SIPA1L3: variants seen among roughly 807,000 people sequenced by gnomAD.
SIPA1L3 encodes signal induced proliferation associated 1 like 3, also known as signal-induced proliferation-associated 1-like protein 3.
Under a neutral mutation model 150.1 loss-of-function variants are expected in SIPA1L3, and 59 were observed. The observed-to-expected ratio is 0.39, with a 90% CI of 0.32 to 0.49. SIPA1L3 has a LOEUF of 0.49. SIPA1L3 is among the 20% of genes least tolerant of loss of function. The probability of loss-of-function intolerance (pLI) is 0.86; values close to 1 mark genes in which losing one functional copy is unlikely to be tolerated. For missense variants in SIPA1L3, 2,211 were observed against 2,489.5 expected (o/e 0.89, Z 2.38); for synonymous variants, 1,070 against 1,077.6 (o/e 0.99, Z 0.14).
At chr19:38,183,740 A>G (rs1328097924) in intron 16 of SIPA1L3, among the ~76,000 whole-genome samples, 4 of 152,054 alleles carry the variant, frequency 2.6e-5, no homozygotes, top group East Asian at 3.9e-4. Flanking sequence ...TGTGGGACTG[A>G]GACTGAAACC....
chr19:38,053,475 TC>T (rs1969245004), intron 2 of SIPA1L3, among the ~76,000 whole-genome samples: 1 of 152,150 alleles, frequency 6.6e-6, no homozygotes, highest in African/African-American at 2.4e-5. Flanking sequence ...CATGGACACT[TC>T]CTGGTGGTCA....
chr19:38,158,340 G>GAA (rs1971997314), intron 13 of SIPA1L3, among the ~76,000 whole-genome samples: 1 of 152,232 alleles, frequency 6.6e-6, no homozygotes, highest in Non-Finnish European at 1.5e-5. Flanking sequence ...ATAATGCAAA[G>GAA]AAGTCAGTGG....
chr19:38,127,534 C>T (rs1971204422), intron 9 of SIPA1L3, among the ~76,000 whole-genome samples: 1 of 152,010 alleles, frequency 6.6e-6, no homozygotes, highest in Admixed American at 6.6e-5. Flanking sequence ...GGTGTCACCC[C>T]GGCTGGAGTG....
At chr19:38,037,947 G>T (rs1317601895) in intron 2 of SIPA1L3, among the ~76,000 whole-genome samples, 1 of 152,116 alleles carries the variant, frequency 6.6e-6, no homozygotes, top group East Asian at 1.9e-4. Flanking sequence ...CTTAAAGCAG[G>T]CACCTTCCAT....
intron 10 of SIPA1L3, among the ~76,000 whole-genome samples, chr19:38,138,910 A>AAAAAACAAAAAC (rs1568570942): frequency 2.7e-5 from 3 of 112,862 alleles, no homozygotes; most frequent in African/African-American, 3.8e-5. Flanking sequence ...AAAAAAAAAA[A>AAAAAACAAAAAC]AAAAACTGAG....
intron 7 of SIPA1L3, among the ~76,000 whole-genome samples, chr19:38,108,865 T>C (rs532810462): frequency 6.6e-6 from 1 of 152,222 alleles, no homozygotes; most frequent in African/African-American, 2.4e-5. Flanking sequence ...GGCGCATGCC[T>C]GTAATCCCAG....
At chr19:38,154,379 T>C (rs1971895123) in intron 13 of SIPA1L3, among the ~76,000 whole-genome samples, 1 of 152,228 alleles carries the variant, frequency 6.6e-6, no homozygotes, top group Admixed American at 6.5e-5. Context: ...TAGGTTCACA[T>C]TTCTGTAGGG....
At chr19:38,065,915 C>CTATCTATCTATTTATTTATTTATTTATT (rs74176413) in intron 2 of SIPA1L3, among the ~76,000 whole-genome samples, 7 of 127,698 alleles carry the variant, frequency 5.5e-5, no homozygotes, top group East Asian at 2.2e-4. Flanking sequence ...ATTTATTTAT[C>CTATCTATCTATTTATTTATTTATTTATT]TATTTATTTA....
chr19:38,002,335 T>A (rs779437167), intron 1 of SIPA1L3, among the ~76,000 whole-genome samples: 6 of 152,206 alleles, frequency 3.9e-5, no homozygotes, highest in Non-Finnish European at 7.3e-5. Flanking sequence ...TTTAGTATCA[T>A]GTCTTTAAGG....
chr19:37,984,788 T>A (rs1017332426), intron 1 of SIPA1L3, among the ~76,000 whole-genome samples: 2 of 152,266 alleles, frequency 1.3e-5, no homozygotes, highest in Admixed American at 6.5e-5. Context: ...ATATGGCTGG[T>A]ACTCCACAGA....
chr19:38,197,070 G>A (rs1568606373), intron 18 of SIPA1L3, among the ~76,000 whole-genome samples: 1 of 152,130 alleles, frequency 6.6e-6, no homozygotes, highest in African/African-American at 2.4e-5. Flanking sequence ...CCCAGGCAAG[G>A]CAGCGCCTCG....
chr19:37,965,420 A>T (rs1399098331), intron 1 of SIPA1L3, among the ~76,000 whole-genome samples: 1 of 150,274 alleles, frequency 6.7e-6, no homozygotes, highest in Admixed American at 6.7e-5. Flanking sequence ...GCTTCAAGCG[A>T]TTCTCCTGCC....
rs1023303158 is a variant in SIPA1L3, at chr19:38,207,681, C to T, written c.*1441C>T. 2.0e-5 allele frequency: 3 copies of T among 152,190 alleles called. No individual in the cohort carries two copies. The highest frequency in any genetic ancestry group is 4.4e-5 in the Non-Finnish European group (3 of 68,082). 9.4% of individuals were successfully genotyped at this position (152,190 alleles called of 1,614,324 possible). A position where few individuals can be genotyped will look rare whatever the true frequency, so the allele number is the denominator to read the frequency against. ...TGAGCCAGCACCAGGCAACCCGGCC[C>T]TTGTCCAGGGACCTCTGCTGCCTTC... On this transcript the variant is annotated 3_prime_UTR_variant, in exon 22 of 22. Coordinates refer to ENST00000222345, the MANE Select transcript of SIPA1L3 (RefSeq NM_015073.3).
chr19:38,197,459 C>T (rs1053574219), intron 18 of SIPA1L3, among the ~76,000 whole-genome samples: 3 of 152,074 alleles, frequency 2.0e-5, no homozygotes, highest in African/African-American at 7.2e-5. Flanking sequence ...CTCTGCTCAG[C>T]GTGTCATACC....
chr19:38,038,974 C>T (rs1056197515), intron 2 of SIPA1L3, among the ~76,000 whole-genome samples: 1 of 152,172 alleles, frequency 6.6e-6, no homozygotes, highest in Non-Finnish European at 1.5e-5. Context: ...ACCTCCGCCT[C>T]CGAGGTTCAA....
chr19:38,152,829 A>G lies in SIPA1L3; in HGVS notation c.3534-11A>G. ...CTTTAACCCTGGGCACGTTCTTCTCATCCCCTGCAGGTACACGGCTGCCCC... is the reference window on the plus strand; with the variant it reads ...CTTTAACCCTGGGCACGTTCTTCTCGTCCCCTGCAGGTACACGGCTGCCCC... On this transcript the variant is annotated splice_polypyrimidine_tract_variant and intron_variant, in intron 12 of 21. Coordinates refer to ENST00000222345, the MANE Select transcript of SIPA1L3 (RefSeq NM_015073.3). 6.2e-7 allele frequency: 1 copy of G among 1,603,650 alleles called. No individual in the cohort carries two copies. Among genetic ancestry groups the G allele is most frequent in the Non-Finnish European group, 8.5e-7 (1 of 1,173,994 alleles).
At chr19:38,058,652 G>A (rs1969381383) in intron 2 of SIPA1L3, among the ~76,000 whole-genome samples, 1 of 152,180 alleles carries the variant, frequency 6.6e-6, no homozygotes, top group Middle Eastern at 3.2e-3. Flanking sequence ...TGAATCTCAA[G>A]CTATGGCATG....
In SIPA1L3 at chr19:38,047,588, G is replaced by T. The variant is rs1488393586; in HGVS notation, c.-311+18432G>T. Reference sequence around the variant, plus strand: ...TCCTGCCACTCACTTTATAGTAGAGGCAGTCACAGGCGATCTGTGGGTAGA... The same window carrying T: ...TCCTGCCACTCACTTTATAGTAGAGTCAGTCACAGGCGATCTGTGGGTAGA... On this transcript the variant is annotated intron_variant, in intron 2 of 21. Transcript: ENST00000222345. The surrounding 1 kb of genome is among the most constrained non-coding windows in gnomAD (Gnocchi z 4.7). Among the ~76,000 whole-genome samples the T allele has an allele frequency of 6.6e-6, 1 of 152,194 alleles. No homozygotes were observed. The highest frequency in any genetic ancestry group is 1.5e-5 in the Non-Finnish European group (1 of 68,034).
intron 20 of SIPA1L3, among the ~76,000 whole-genome samples, chr19:38,203,485 G>A (rs1343536409): frequency 1.3e-5 from 2 of 152,144 alleles, no homozygotes; most frequent in Non-Finnish European, 2.9e-5. Context: ...CGGCCAGGCA[G>A]GCCCAGGGCT....
Sources: gnomAD v4.1 joint callset for allele counts (sites outside exome capture counted in the v4.1 genomes callset) on GRCh38, gnomAD v4.1.1 for gene constraint, Gnocchi (gnomAD v3.1) non-coding constraint, MANE v1.5 for transcripts, NCBI Gene and HGNC (gene_info 2026-07-23, HGNC 2026-07-21) for gene names.